Variants in TMCO4 observed in about 807,000 individuals in gnomAD.
TMCO4 encodes transmembrane and coiled-coil domain-containing protein 4.
TMCO4 carries 58 observed loss-of-function variants against 64.7 expected under a neutral mutation model. The observed-to-expected ratio is 0.90, with a 90% CI of 0.73 to 1.12. The LOEUF is 1.12. Ranked by LOEUF, TMCO4 falls within the 50% of genes most tolerant of loss-of-function variation. The probability of loss-of-function intolerance (pLI) is 0.00; values close to 1 mark genes in which losing one functional copy is unlikely to be tolerated. For missense variants in TMCO4, 780 were observed against 825.9 expected, an observed-to-expected ratio of 0.94 and a Z score of 0.68; for synonymous variants, 325 against 346.1, an observed-to-expected ratio of 0.94 and a Z score of 0.68.
intron 6 of TMCO4, among the ~76,000 whole-genome samples, chr1:19,758,307 T>C (rs1207881661): frequency 6.6e-6 from 1 of 152,148 alleles, no homozygotes; most frequent in African/African-American, 2.4e-5. Context: ...CTTGGGGTTA[T>C]TAGATTCAGT....
At position 19,739,877 on chromosome 1, in the gene TMCO4, G is replaced by A. The variant is rs778002131; in HGVS notation, c.1126C>T (p.Arg376Ter). The A allele has an allele frequency of 2.2e-5, 36 of 1,613,986 alleles. No homozygotes were observed. In the South Asian group the frequency reaches 3.7e-4, roughly 17 times the overall value. ...AGGTGCTTGCCAACCTCTGCTGATC[G>A]ATGGAGACACACCCCCCAGGGGTTG... is the stretch of plus-strand genomic sequence containing the variant. ...IDNPWGVCLHRSAEVGKHLAH... is the reference protein window; with the variant it reads ...IDNPWGVCLH Residue 376 changes from arginine (R) to a stop codon, truncating the protein, a stop_gained, in exon 12 of 16, where the codon CGA becomes TGA. Coordinates refer to ENST00000294543, the MANE Select transcript of TMCO4 (RefSeq NM_181719.7). LOFTEE classifies it high-confidence loss of function.
rs574774149 is a variant in TMCO4 at position 19,745,356 on chromosome 1, TG to T, written c.877+175del. 619 of 966,118 alleles carry T rather than the reference TG, an allele frequency of 6.4e-4. 1 individual carries two copies. The African/African-American group carries it at 8.4e-3, about 13-fold the overall frequency. The allele number at this position is 966,118 out of a possible 1,614,324, so 59.8% of individuals were successfully genotyped here. On this transcript the variant is annotated intron_variant, in intron 10 of 15. Transcript: ENST00000294543. ...GGTGGATAGATGGATGGCGAGATGA[TG>T]GGCAGGTGGACAGATGTGAGATGAA... is the stretch of plus-strand genomic sequence containing the variant.
intron 2 of TMCO4, among the ~76,000 whole-genome samples, chr1:19,788,853 A>C (rs144207132): frequency 0.023 from 3,550 of 152,134 alleles, 144 homozygotes; most frequent in African/African-American, 0.081. Flanking sequence ...AGGCAGGTGG[A>C]TCAGGAGGTC....
chr1:19,731,689 T>C (rs942778112), intron 13 of TMCO4, among the ~76,000 whole-genome samples: 5 of 152,244 alleles, frequency 3.3e-5, no homozygotes, highest in African/African-American at 4.8e-5. Flanking sequence ...ATCACAAGTA[T>C]GTCCCTATGT....
intron 13 of TMCO4, among the ~76,000 whole-genome samples, chr1:19,727,106 C>T (rs919251565): frequency 4.6e-5 from 7 of 152,122 alleles, no homozygotes; most frequent in African/African-American, 7.2e-5. Context: ...TGCCTGGAGG[C>T]GTGGGAGGAG....
At chr1:19,733,837 C>T (rs2095441180) in intron 13 of TMCO4, among the ~76,000 whole-genome samples, 1 of 151,920 alleles carries the variant, frequency 6.6e-6, no homozygotes. Context: ...CAATCTCCAG[C>T]CAGACTGCCT....
In TMCO4 at chr1:19,731,225, G is replaced by A. The variant is rs545202862; in HGVS notation, c.1264+6147C>T. Reference sequence around the variant, plus strand: ...TGGAAACTGGAGGTTCTGACCCTGTGGGAGGCCAATTATTCCTCAACTAGG... The same window carrying A: ...TGGAAACTGGAGGTTCTGACCCTGTAGGAGGCCAATTATTCCTCAACTAGG... On this transcript the variant is annotated intron_variant, in intron 13 of 15. Coordinates refer to ENST00000294543, the MANE Select transcript of TMCO4 (RefSeq NM_181719.7). 2.2e-4 allele frequency among the ~76,000 whole-genome samples: 34 copies of A among 152,258 alleles called. No individual in the cohort carries two copies. In the South Asian group the frequency reaches 2.3e-3, roughly 10 times the overall value.
rs932284038 is a variant in TMCO4 at position 19,734,666 on chromosome 1, G to A, written c.1264+2706C>T. 2.0e-5 allele frequency among the ~76,000 whole-genome samples: 3 copies of A among 152,086 alleles called. No individual in the cohort carries two copies. Among genetic ancestry groups the A allele is most frequent in the Admixed American group, 1.3e-4 (2 of 15,274 alleles). On this transcript the variant is annotated intron_variant, in intron 13 of 15. Transcript: ENST00000294543. This position sits in a 1 kb window ranked among gnomAD's most constrained non-coding sequence, Gnocchi z 4.4. ...CCACCGTTTCTAGACACCCCTGAGA[G>A]CCCCGCCTTTGCCCATGCTGGCCGA...
At chr1:19,775,843 G>A (rs903032020) in intron 4 of TMCO4, among the ~76,000 whole-genome samples, 1 of 152,228 alleles carries the variant, frequency 6.6e-6, no homozygotes, top group Non-Finnish European at 1.5e-5. Context: ...CGGCCACACA[G>A]TGTTTTCTAA....
intron 15 of TMCO4, among the ~76,000 whole-genome samples, chr1:19,685,307 C>T (rs2095137846): frequency 6.7e-6 from 1 of 148,694 alleles, no homozygotes; most frequent in African/African-American, 2.5e-5. Flanking sequence ...GTTTGGGCGA[C>T]AGAGCAAGAC....
rs558185331 is a variant in TMCO4, at chr1:19,689,527, T to G, written c.1500+4907A>C. 3.9e-5 allele frequency among the ~76,000 whole-genome samples: 6 copies of G among 152,238 alleles called. No homozygotes were observed. In the South Asian group the frequency reaches 8.3e-4, roughly 21 times the overall value. ...TCCACCATTTCCTAGATGAGGACAC[T>G]GAGACACAGAGAGGTTAAGTAACTG... On this transcript the variant is annotated intron_variant, in intron 15 of 15. Coordinates refer to ENST00000294543, the MANE Select transcript of TMCO4 (RefSeq NM_181719.7).
At chr1:19,750,355 A>T (rs570948117) in intron 7 of TMCO4, 3 of 152,190 alleles carry the variant, frequency 2.0e-5, no homozygotes, top group Non-Finnish European at 4.4e-5. Context: ...GATTCAACAA[A>T]CACGGCCTGG....
chr1:19,692,983 GCAA>G (rs1464098549), intron 15 of TMCO4, among the ~76,000 whole-genome samples: 1 of 151,038 alleles, frequency 6.6e-6, no homozygotes, highest in African/African-American at 2.4e-5. Context: ...ACCAGCCTGG[GCAA>G]CATGGTGAAA....
In TMCO4 at chr1:19,695,591, G is replaced by A. The variant is rs572224678; in HGVS notation, c.1383-1040C>T. 2.0e-5 allele frequency among the ~76,000 whole-genome samples: 3 copies of A among 152,286 alleles called. No individual in the cohort carries two copies. The South Asian group carries it at 6.2e-4, about 32-fold the overall frequency. ...AGGGATAAGAATGGCTGAGAGATAG[G>A]AGGCTGGGGTTGGAATCCTGGTGGC... is the stretch of plus-strand genomic sequence containing the variant. On this transcript the variant is annotated intron_variant, in intron 14 of 15. Coordinates refer to ENST00000294543, the MANE Select transcript of TMCO4 (RefSeq NM_181719.7).
chr1:19,712,871 C>T (rs907507400), intron 13 of TMCO4, among the ~76,000 whole-genome samples: 44 of 152,128 alleles, frequency 2.9e-4, no homozygotes, highest in African/African-American at 9.7e-4. Flanking sequence ...ACAAATTGGC[C>T]GGGCAATTCT....
At chr1:19,745,486 C>T (rs371481739) in intron 10 of TMCO4, 46 bp downstream of exon 10, 2 of 1,612,740 alleles carry the variant, frequency 1.2e-6, no homozygotes, top group African/African-American at 2.7e-5. Flanking sequence ...CTGGCCCAGG[C>T]CACCACTGCC....
intron 13 of TMCO4, among the ~76,000 whole-genome samples, chr1:19,705,068 GT>G (rs1357100092): frequency 1.3e-5 from 2 of 152,188 alleles, no homozygotes; most frequent in Middle Eastern, 3.2e-3. Context: ...GCTAAGGGCG[GT>G]TGGCAAGAAC....
intron 6 of TMCO4, among the ~76,000 whole-genome samples, chr1:19,765,332 T>TA (rs2042684920): frequency 6.6e-6 from 1 of 152,200 alleles, no homozygotes; most frequent in Non-Finnish European, 1.5e-5. Flanking sequence ...AGAATCTATG[T>TA]AAGCGGCCTA....
At position 19,682,370 on chromosome 1, in the gene TMCO4, C is replaced by T; in HGVS notation, c.*670G>A. Reference sequence around the variant, plus strand: ...TACTGAATGCAATTCAGCATGTATTCACCATGCTCTGTTAGTGGTGTCCAG... The same window carrying T: ...TACTGAATGCAATTCAGCATGTATTTACCATGCTCTGTTAGTGGTGTCCAG... On this transcript the variant is annotated 3_prime_UTR_variant, in exon 16 of 16. Transcript: ENST00000294543. 2 of 481,406 alleles carry T rather than the reference C, an allele frequency of 4.2e-6. No individual in the cohort carries two copies. The highest frequency in any genetic ancestry group is 3.7e-6 in the Non-Finnish European group (1 of 267,534). The allele number at this position is 481,406 out of a possible 1,614,324, so 29.8% of individuals were successfully genotyped here.
Sources: allele counts gnomAD v4.1 joint callset (sites outside exome capture counted in the v4.1 genomes callset), GRCh38; gene constraint gnomAD v4.1.1; non-coding constraint Gnocchi (gnomAD v3.1); transcripts MANE v1.5; gene names NCBI Gene and HGNC (gene_info 2026-07-23, HGNC 2026-07-21).